Variants in CYSTM1 observed in about 807,000 individuals in gnomAD.
CYSTM1 encodes cysteine rich transmembrane module containing 1, also known as cysteine-rich transmembrane module-containing protein 1.
A neutral mutation model predicts 13.1 loss-of-function variants in CYSTM1; 4 were observed. The observed-to-expected ratio is 0.31, with a 90% confidence interval of 0.15 to 0.70. The LOEUF (loss-of-function observed/expected upper bound fraction) is 0.70, where lower values mean the gene tolerates loss of function less well. Ranked by LOEUF, CYSTM1 falls within the 30% of genes least tolerant of loss-of-function variation. The probability of loss-of-function intolerance (pLI) is 0.72; values close to 1 mark genes in which losing one functional copy is unlikely to be tolerated. For synonymous variants in CYSTM1, 36 were observed against 42.7 expected (o/e 0.84, Z 0.62); for missense variants, 96 against 121.6 (o/e 0.79, Z 0.99).
At chr5:140,200,812 G>A (rs1193173286) in intron 2 of CYSTM1, 2 of 152,302 alleles carry the variant, frequency 1.3e-5, no homozygotes, top group East Asian at 3.9e-4. Flanking sequence ...GCCCACCTCA[G>A]CCTCTCAGAG....
intron 1 of CYSTM1, among the ~76,000 whole-genome samples, chr5:140,185,028 G>A (rs1332337181): frequency 3.3e-5 from 5 of 152,236 alleles, no homozygotes; most frequent in South Asian, 2.1e-4. Flanking sequence ...TGGGGATAGC[G>A]GCTTAAAGCA....
intron 2 of CYSTM1, chr5:140,203,168 G>C (rs1472487937): frequency 1.3e-5 from 2 of 151,956 alleles, no homozygotes; most frequent in Non-Finnish European, 2.9e-5. Flanking sequence ...ATGTACCCCT[G>C]AACATAAAAT....
At chr5:140,200,147 G>C (rs1209972152) in intron 2 of CYSTM1, 1 of 152,112 alleles carries the variant, frequency 6.6e-6, no homozygotes, top group Non-Finnish European at 1.5e-5. Context: ...TGTCAGTGTT[G>C]GCTTTTGTTG....
chr5:140,238,942 A>G (rs927317184), intron 2 of CYSTM1, among the ~76,000 whole-genome samples: 1 of 152,168 alleles, frequency 6.6e-6, no homozygotes. Flanking sequence ...TAGTTGTCTT[A>G]GCAGTTGAGG....
chr5:140,242,129 G>A (rs1175057668), intron 2 of CYSTM1, among the ~76,000 whole-genome samples: 1 of 152,196 alleles, frequency 6.6e-6, no homozygotes, highest in Non-Finnish European at 1.5e-5. Context: ...CTCTGAGCAG[G>A]CTTTCCTGGT....
At chr5:140,193,346 C>T (rs944176504) in intron 1 of CYSTM1, among the ~76,000 whole-genome samples, 3 of 152,152 alleles carry the variant, frequency 2.0e-5, no homozygotes, top group Non-Finnish European at 4.4e-5. Flanking sequence ...TGCAGTGGCA[C>T]GATCTCAGCT....
chr5:140,175,449 G>A lies in CYSTM1; in HGVS notation c.-21+164G>A, dbSNP rs1763868316. 6.6e-6 allele frequency among the ~76,000 whole-genome samples: 1 copy of A among 152,040 alleles called. No homozygotes were observed. The highest frequency in any genetic ancestry group is 1.5e-5 in the Non-Finnish European group (1 of 67,986). Reference sequence around the variant, plus strand: ...CGCGCAGCCCCTGGGGAGGGGCAGGGAGGCAGGGAAGCTGCTGCCGCCAGC... The same window carrying A: ...CGCGCAGCCCCTGGGGAGGGGCAGGAAGGCAGGGAAGCTGCTGCCGCCAGC... On this transcript the variant is annotated intron_variant, in intron 1 of 2. Coordinates refer to ENST00000261811, the MANE Select transcript of CYSTM1 (RefSeq NM_032412.4). This position sits in a 1 kb window ranked among gnomAD's most constrained non-coding sequence, Gnocchi z 4.9.
At chr5:140,187,144 TAAAC>T (rs1315950060) in intron 1 of CYSTM1, among the ~76,000 whole-genome samples, 2 of 146,826 alleles carry the variant, frequency 1.4e-5, no homozygotes, top group Non-Finnish European at 3.0e-5. Context: ...AACAAACAAA[TAAAC>T]AAACACCTCA....
rs1011552635 is a variant in CYSTM1 at position 140,230,367 on chromosome 5, TAGAC to T, written c.188-12935_188-12932del. Among the ~76,000 whole-genome samples the T allele has an allele frequency of 3.4e-4, 51 of 152,040 alleles. No individual in the cohort carries two copies. Among genetic ancestry groups the T allele is most frequent in the Admixed American group, 7.2e-4 (11 of 15,280 alleles). ...AATGCTTTTATTATAAGTTAACAATTAGACAGGATTCCAGCTCAAATCTGTCTCC... is the reference window on the plus strand; with the variant it reads ...AATGCTTTTATTATAAGTTAACAATTAGGATTCCAGCTCAAATCTGTCTCC... On this transcript the variant is annotated intron_variant, in intron 2 of 2. Coordinates refer to ENST00000261811, the MANE Select transcript of CYSTM1 (RefSeq NM_032412.4). The surrounding 1 kb of genome is among the most constrained non-coding windows in gnomAD (Gnocchi z 4.1).
intron 1 of CYSTM1, among the ~76,000 whole-genome samples, chr5:140,193,991 T>C (rs920268917): frequency 4.6e-5 from 7 of 152,214 alleles, no homozygotes; most frequent in African/African-American, 1.7e-4. Flanking sequence ...GCCCTGTTGA[T>C]TGGAGGGTTT....
intron 2 of CYSTM1, among the ~76,000 whole-genome samples, chr5:140,226,457 C>T (rs1431412187): frequency 2.7e-5 from 3 of 112,164 alleles, no homozygotes; most frequent in South Asian, 2.8e-4. Flanking sequence ...GGTGAAAACC[C>T]GTCTCTATAA....
chr5:140,232,143 T>C (rs1764624764), intron 2 of CYSTM1, among the ~76,000 whole-genome samples: 1 of 152,094 alleles, frequency 6.6e-6, no homozygotes, highest in Admixed American at 6.6e-5. Context: ...GGGTGCCTGG[T>C]GGTGGTGTTT....
At chr5:140,213,372 A>G (rs1193924548) in intron 2 of CYSTM1, among the ~76,000 whole-genome samples, 3 of 152,208 alleles carry the variant, frequency 2.0e-5, no homozygotes, top group African/African-American at 7.2e-5. Flanking sequence ...TTTTAAGCAA[A>G]GTGTTGGTAA....
At chr5:140,214,044 G>T (rs890356252) in intron 2 of CYSTM1, among the ~76,000 whole-genome samples, 1 of 152,216 alleles carries the variant, frequency 6.6e-6, no homozygotes, top group Non-Finnish European at 1.5e-5. Context: ...GTACTCAATT[G>T]CAACTCTCTT....
At chr5:140,181,451 G>A (rs1159509936) in intron 1 of CYSTM1, among the ~76,000 whole-genome samples, 2 of 152,110 alleles carry the variant, frequency 1.3e-5, no homozygotes, top group Non-Finnish European at 2.9e-5. Context: ...ATGTCTGGTG[G>A]TGGCTGTGTG....
chr5:140,235,505 A>G (rs1195015173), intron 2 of CYSTM1, among the ~76,000 whole-genome samples: 1 of 149,506 alleles, frequency 6.7e-6, no homozygotes, highest in Non-Finnish European at 1.5e-5. Flanking sequence ...TCCTGGATTC[A>G]CGCCATTCTC....
intron 2 of CYSTM1, among the ~76,000 whole-genome samples, chr5:140,205,268 G>A (rs1157766214): frequency 1.3e-5 from 2 of 152,074 alleles, no homozygotes; most frequent in Non-Finnish European, 2.9e-5. Context: ...TGATAGAATG[G>A]CATATTTCTC....
chr5:140,194,776 TTGA>T (rs1409340086), intron 2 of CYSTM1, 124 bp downstream of exon 2: 1 of 1,212,762 alleles, frequency 8.2e-7, no homozygotes, highest in Non-Finnish European at 1.1e-6. Flanking sequence ...TCCCCAAAGC[TTGA>T]TGATGGCTTA....
intron 2 of CYSTM1, among the ~76,000 whole-genome samples, chr5:140,240,211 G>A (rs769762533): frequency 1.3e-5 from 2 of 151,638 alleles, no homozygotes; most frequent in Non-Finnish European, 1.5e-5. Flanking sequence ...CCTTTTTTCC[G>A]TCTTTTTAAA....
Sources: gnomAD v4.1 joint callset for allele counts (sites outside exome capture counted in the v4.1 genomes callset) on GRCh38, gnomAD v4.1.1 for gene constraint, Gnocchi (gnomAD v3.1) non-coding constraint, MANE v1.5 for transcripts, NCBI Gene and HGNC (gene_info 2026-07-23, HGNC 2026-07-21) for gene names.